Variants in FSCN1 observed in about 807,000 individuals in gnomAD.
FSCN1 encodes fascin.
Under a neutral mutation model 39.7 loss-of-function variants are expected in FSCN1, and 10 were observed. The observed-to-expected ratio is 0.25, with a 90% CI of 0.16 to 0.43. The LOEUF (loss-of-function observed/expected upper bound fraction) is 0.43. FSCN1 is among the 20% of genes least tolerant of loss of function. The pLI, the probability that FSCN1 is intolerant of heterozygous loss-of-function variation, is 1.00. For missense variants in FSCN1, 525 were observed against 723.8 expected, an observed-to-expected ratio of 0.73 and a Z score of 3.15; for synonymous variants, 322 against 320.0, an observed-to-expected ratio of 1.01 and a Z score of -0.07.
chr7:5,602,798 C>T lies in FSCN1; in HGVS notation c.833-459C>T, dbSNP rs371423467. The T allele has an allele frequency of 2.7e-4, 50 of 182,064 alleles. No individual in the cohort carries two copies. The East Asian group carries it at 3.4e-3, about 12-fold the overall frequency. 11.3% of individuals were successfully genotyped at this position (182,064 alleles called of 1,614,324 possible). On this transcript the variant is annotated intron_variant, in intron 1 of 4. Coordinates refer to ENST00000382361, the MANE Select transcript of FSCN1 (RefSeq NM_003088.4). ...CTGCAGCCTCAGCCTCCTGCCTCAG[C>T]GATCCTCCTGCCTCAGCCTCCCAAG... is the stretch of plus-strand genomic sequence containing the variant.
At position 5,603,100 on chromosome 7, in the gene FSCN1, C is replaced by G; in HGVS notation, c.833-157C>G. The G allele has an allele frequency of 1.3e-6, 1 of 762,060 alleles. No individual in the cohort carries two copies. Among genetic ancestry groups the G allele is most frequent in the Non-Finnish European group, 2.2e-6 (1 of 462,686 alleles). The allele number at this position is 762,060 out of a possible 1,614,324, so 47.2% of individuals were successfully genotyped here. ...GGCCCTGCCTGCGTTCCTGGGTGCTCTCTGCTGCTTCTCATGTGTGCCACT... is the reference window on the plus strand; with the variant it reads ...GGCCCTGCCTGCGTTCCTGGGTGCTGTCTGCTGCTTCTCATGTGTGCCACT... On this transcript the variant is annotated intron_variant, in intron 1 of 4. Transcript: ENST00000382361. This position sits in a 1 kb window ranked among gnomAD's most constrained non-coding sequence, Gnocchi z 8.5.
chr7:5,594,863 C>A (rs1785703021), intron 1 of FSCN1: 1 of 152,344 alleles, frequency 6.6e-6, no homozygotes, highest in Admixed American at 6.5e-5. Flanking sequence ...CAATTGACTG[C>A]AACTCGATCC....
chr7:5,602,521 C>G (rs1430815193), intron 1 of FSCN1, among the ~76,000 whole-genome samples: 2 of 152,038 alleles, frequency 1.3e-5, no homozygotes, highest in African/African-American at 4.8e-5. Flanking sequence ...AAGCAAATCC[C>G]TGACATCAGG....
rs1447594748 is a variant in FSCN1, at chr7:5,603,150, C to T, written c.833-107C>T. ...TGTGGGGACTCGGCCGCCCACCCCA[C>T]CCCGTGGTGTTACCTTGCGTGTGTA... On this transcript the variant is annotated intron_variant, in intron 1 of 4. Coordinates refer to ENST00000382361, the MANE Select transcript of FSCN1 (RefSeq NM_003088.4). The surrounding 1 kb of genome is among the most constrained non-coding windows in gnomAD (Gnocchi z 8.5). The T allele has an allele frequency of 1.5e-5, 20 of 1,318,536 alleles. No homozygotes were observed. The East Asian group carries it at 4.4e-4, about 29-fold the overall frequency. 81.7% of individuals were successfully genotyped at this position (1,318,536 alleles called of 1,614,324 possible). A position where few individuals can be genotyped will look rare whatever the true frequency, so the allele number is the denominator to read the frequency against.
rs1472467435 is a variant in FSCN1, at chr7:5,606,377, C to G, written c.*903C>G. On this transcript the variant is annotated 3_prime_UTR_variant, in exon 5 of 5. Transcript: ENST00000382361. The surrounding 1 kb of genome is among the most constrained non-coding windows in gnomAD (Gnocchi z 5.1). ...CCGTCCTTCCCGTCCAGCCCCAGCC[C>G]TGGGCCTGGGCTGCCGACACCTGGG... 2 of 152,078 alleles carry G rather than the reference C, an allele frequency of 1.3e-5. No homozygotes were observed. The highest frequency in any genetic ancestry group is 6.5e-5 in the Admixed American group (1 of 15,274). The allele number at this position is 152,078 out of a possible 1,614,324, so 9.4% of individuals were successfully genotyped here.
chr7:5,602,192 C>T (rs1785844457), intron 1 of FSCN1, among the ~76,000 whole-genome samples: 1 of 148,660 alleles, frequency 6.7e-6, no homozygotes, highest in Admixed American at 6.7e-5. Context: ...AGGTGTGAGC[C>T]ACTGTGCCTG....
Position 5,605,294 on chromosome 7 carries a change from G to A in FSCN1, c.1302G>A (p.Thr434=), listed in dbSNP as rs760288085. ...NIKDSTGKYW[T]VGSDSAVTSS... ...CAGACTCCACAGGCAAATACTGGAC[G>A]GTGGGCAGTGACTCCGCGGTCACCA... The change falls in exon 5 of 5, where the codon ACG becomes ACA. Residue 434 remains threonine, a synonymous_variant. Coordinates refer to ENST00000382361, the MANE Select transcript of FSCN1 (RefSeq NM_003088.4). This position sits in a 1 kb window ranked among gnomAD's most constrained non-coding sequence, Gnocchi z 6.9. 22 of 1,613,180 alleles carry A rather than the reference G, an allele frequency of 1.4e-5. No homozygotes were observed. The highest frequency in any genetic ancestry group is 2.2e-5 in the East Asian group (1 of 44,884).
chr7:5,594,344 G>T (rs1344964889), intron 1 of FSCN1, among the ~76,000 whole-genome samples: 2 of 151,706 alleles, frequency 1.3e-5, no homozygotes, highest in Admixed American at 6.6e-5. Context: ...CTGCCGGGCG[G>T]GGTCGGCCTC....
intron 1 of FSCN1, among the ~76,000 whole-genome samples, chr7:5,597,394 G>T (rs185760526): frequency 6.7e-6 from 1 of 149,044 alleles, no homozygotes; most frequent in Non-Finnish European, 1.5e-5. Context: ...GGCCTGGTGC[G>T]GTGGCTCACG....
chr7:5,598,362 G>T (rs974944216), intron 1 of FSCN1, among the ~76,000 whole-genome samples: 2 of 152,244 alleles, frequency 1.3e-5, no homozygotes, highest in African/African-American at 4.8e-5. Flanking sequence ...CCCAGGAATG[G>T]CTGGGAAGCT....
chr7:5,598,686 G>A (rs1477456322), intron 1 of FSCN1, among the ~76,000 whole-genome samples: 1 of 152,184 alleles, frequency 6.6e-6, no homozygotes, highest in Non-Finnish European at 1.5e-5. Context: ...GGAACCTGGA[G>A]CCCCTGATGC....
rs1404503025 is a variant in FSCN1, at chr7:5,603,551, G to A, written c.1045G>A (p.Ala349Thr). The change falls in exon 3 of 5, where the codon GCG becomes ACG. Residue 349 changes from alanine to threonine, a missense_variant. By Grantham distance (58) the Ala-to-Thr change is moderately conservative. Coordinates refer to ENST00000382361, the MANE Select transcript of FSCN1 (RefSeq NM_003088.4). This position sits in a 1 kb window ranked among gnomAD's most constrained non-coding sequence, Gnocchi z 8.5. ...GCGTGACCGGCGCATCACACTGAGG[G>A]CGTCCAATGGCAAGTTTGTGACCTC... ...EWRDRRITLR[A>T]SNGKFVTSKK... The A allele has an allele frequency of 1.9e-6, 3 of 1,614,018 alleles. No individual in the cohort carries two copies. The highest frequency in any genetic ancestry group is 1.7e-5 in the Admixed American group (1 of 60,006).
At chr7:5,595,399 G>GGC (rs1785712076) in intron 1 of FSCN1, among the ~76,000 whole-genome samples, 2 of 152,228 alleles carry the variant, frequency 1.3e-5, no homozygotes, top group South Asian at 4.1e-4. Flanking sequence ...CACAGCGCAT[G>GGC]GCGGGCAGAG....
At chr7:5,594,053 C>CT (rs1159466898) in intron 1 of FSCN1, 2 of 415,474 alleles carry the variant, frequency 4.8e-6, no homozygotes, top group Admixed American at 8.6e-5. Flanking sequence ...TAACCCCCCC[C>CT]CCCGCCCAAT....
intron 1 of FSCN1, among the ~76,000 whole-genome samples, chr7:5,596,655 T>C (rs1785735742): frequency 6.6e-6 from 1 of 152,180 alleles, no homozygotes. Context: ...TGGGGATCCA[T>C]GCCAGGGATA....
rs1355426865 is a variant in FSCN1, at chr7:5,593,525, C to T, written c.589C>T (p.Arg197Cys). 1.9e-6 allele frequency: 3 copies of T among 1,602,308 alleles called. No homozygotes were observed. The highest frequency in any genetic ancestry group is 2.5e-6 in the Non-Finnish European group (3 of 1,177,478). Reference protein sequence around the residue: ...SVQTADHRFLRHDGRLVARPE... With the variant: ...SVQTADHRFLCHDGRLVARPE... ...GCAGACCGCCGACCACCGCTTCCTG[C>T]GCCACGACGGGCGCCTGGTGGCGCG... Residue 197 changes from arginine (R) to cysteine (C), a missense_variant, in exon 1 of 5, where the codon CGC becomes TGC. Physicochemically the swap from Arg to Cys is radical, Grantham distance 180. This residue lies in a region of FSCN1 where 246 missense variants were observed against 350.6 expected (regional missense o/e 0.70). Coordinates refer to ENST00000382361, the MANE Select transcript of FSCN1 (RefSeq NM_003088.4).
At chr7:5,600,344 G>T (rs1335141229) in intron 1 of FSCN1, among the ~76,000 whole-genome samples, 1 of 151,852 alleles carries the variant, frequency 6.6e-6, no homozygotes, top group Admixed American at 6.6e-5. Flanking sequence ...AACCCAGGAG[G>T]CAGAGGTTTC....
At chr7:5,597,666 TCA>T (rs201054881) in intron 1 of FSCN1, among the ~76,000 whole-genome samples, 2,594 of 143,812 alleles carry the variant, frequency 0.018, 83 homozygotes, top group African/African-American at 0.064. Context: ...AAACTCCATC[TCA>T]AAAAACAAAA....
At chr7:5,598,855 G>A (rs1002889538) in intron 1 of FSCN1, among the ~76,000 whole-genome samples, 8 of 152,244 alleles carry the variant, frequency 5.3e-5, no homozygotes, top group Admixed American at 3.9e-4. Flanking sequence ...GACAGGTGGT[G>A]CTCTGTGGCC....
Sources: gnomAD v4.1 joint callset for allele counts (sites outside exome capture counted in the v4.1 genomes callset) on GRCh38, gnomAD v4.1.1 for gene constraint, gnomAD v4.1.1 regional missense constraint, Gnocchi (gnomAD v3.1) non-coding constraint, MANE v1.5 for transcripts, NCBI Gene and HGNC (gene_info 2026-07-23, HGNC 2026-07-21) for gene names.